C5orf58: variants seen among roughly 807,000 people sequenced by gnomAD.
C5orf58 encodes the protein putative uncharacterized protein C5orf58.
Under a neutral mutation model 2.9 loss-of-function variants are expected in C5orf58, and 2 were observed. The observed-to-expected ratio is 0.69, with a 90% CI of 0.28 to 2.18. The LOEUF is 2.18. C5orf58 is among the 30% of genes most tolerant of loss of function. The pLI is 0.13. For missense variants in C5orf58, 96 were observed against 91.7 expected (o/e 1.05, Z -0.19); for synonymous variants, 37 against 33.4 (o/e 1.11, Z -0.37).
chr5:170,248,561 A>C (rs550715681), downstream of C5orf58: 10 of 863,438 alleles, frequency 1.2e-5, no homozygotes, highest in African/African-American at 1.8e-4. Flanking sequence ...ACTGTTTTTA[A>C]AGGAAAGGAT....
At chr5:170,233,937 T>C (rs1760630688) in intron 1 of C5orf58, 178 bp from the exon 2 acceptor site, 3 of 368,840 alleles carry the variant, frequency 8.1e-6, no homozygotes, top group Non-Finnish European at 1.6e-5. Flanking sequence ...ACTTTTGCCT[T>C]GTTTTTGAAG....
At chr5:170,234,322 C>A in intron 2 of C5orf58, 124 bp downstream of exon 2, 1 of 474,162 alleles carries the variant, frequency 2.1e-6, no homozygotes, top group South Asian at 1.8e-5. Context: ...GACTGAACAG[C>A]TTAAGACTAG....
intron 3 of C5orf58, among the ~76,000 whole-genome samples, chr5:170,239,567 G>A (rs539167492): frequency 1.3e-4 from 20 of 152,072 alleles, no homozygotes; most frequent in African/African-American, 4.8e-4. Context: ...TGGGAGATTG[G>A]AACTGCAGTT....
intron 3 of C5orf58, among the ~76,000 whole-genome samples, chr5:170,239,369 T>G (rs1760879457): frequency 6.6e-6 from 1 of 151,382 alleles, no homozygotes; most frequent in African/African-American, 2.4e-5. Context: ...CTTAATCTTC[T>G]GTGTCAGAGG....
downstream of C5orf58, among the ~76,000 whole-genome samples, chr5:170,249,903 A>C (rs967039384): frequency 1.3e-5 from 2 of 152,232 alleles, no homozygotes; most frequent in African/African-American, 4.8e-5. Context: ...CACTGGACCA[A>C]GATAAATCTT....
chr5:170,246,036 G>A lies in C5orf58; in HGVS notation c.169G>A (p.Ala57Thr). The A allele has an allele frequency of 6.2e-7, 1 of 1,613,690 alleles. No homozygotes were observed. Among genetic ancestry groups the A allele is most frequent in the Non-Finnish European group, 8.5e-7 (1 of 1,179,674 alleles). The change falls in exon 4 of 4, where the codon GCA becomes ACA. Residue 57 changes from alanine (A) to threonine (T), a missense_variant. Coordinates refer to ENST00000593851, the MANE Select transcript of C5orf58 (RefSeq NM_001102609.3). ...CATCAAGACTGAGAACTTAGCAGAAGCAGAAAGAAACAACCCCCTCTTTGA... is the reference window on the plus strand; with the variant it reads ...CATCAAGACTGAGAACTTAGCAGAAACAGAAAGAAACAACCCCCTCTTTGA... ...HPIKTENLAE[A>T]ERNNPLFEES...
chr5:170,248,489 C>T, downstream of C5orf58: 2 of 502,168 alleles, frequency 4.0e-6, no homozygotes, highest in Non-Finnish European at 7.1e-6. Context: ...GACTCATGCA[C>T]TTTACAAACA....
At chr5:170,250,741 G>A, downstream of C5orf58, 2 of 1,612,904 alleles carry the variant, frequency 1.2e-6, no homozygotes, top group Non-Finnish European at 8.5e-7. Context: ...TCTTTCCCTC[G>A]GAGTCCAGTT....
intron 3 of C5orf58, among the ~76,000 whole-genome samples, chr5:170,244,642 G>C (rs376138179): frequency 6.6e-6 from 1 of 151,342 alleles, no homozygotes; most frequent in East Asian, 1.9e-4. Flanking sequence ...GCTCCTTTAA[G>C]CACTTCTCTG....
downstream of C5orf58, among the ~76,000 whole-genome samples, chr5:170,249,390 CTA>C (rs200081642): frequency 0.019 from 2,624 of 141,184 alleles, 69 homozygotes; most frequent in African/African-American, 0.063. Flanking sequence ...ATCTACATAT[CTA>C]TATATATATA....
chr5:170,232,998 G>C lies in C5orf58; in HGVS notation c.-94G>C, dbSNP rs1318570885. 1 of 984,834 alleles carries C rather than the reference G, an allele frequency of 1.0e-6. No homozygotes were observed. The highest frequency in any genetic ancestry group is 1.1e-4 in the East Asian group (1 of 8,796). The allele number at this position is 984,834 out of a possible 1,614,324, so 61.0% of individuals were successfully genotyped here. On this transcript the variant is annotated 5_prime_UTR_variant, in exon 1 of 4. Coordinates refer to ENST00000593851, the MANE Select transcript of C5orf58 (RefSeq NM_001102609.3). ...CTGCTCCTGTCAGAACCTCGGTGAC[G>C]GTTGGCCAGGTGGGTAGTGACGGCT...
chr5:170,235,130 A>G (rs1760690766), intron 3 of C5orf58, 60 bp downstream of exon 3: 1 of 892,874 alleles, frequency 1.1e-6, no homozygotes, highest in South Asian at 1.6e-5. Flanking sequence ...TGATAGAGCC[A>G]GTTTGTGTTT....
intron 3 of C5orf58, among the ~76,000 whole-genome samples, chr5:170,245,376 C>T (rs556736437): frequency 0.015 from 2,344 of 152,348 alleles, 59 homozygotes; most frequent in African/African-American, 0.054. Context: ...CCCAGCCTCG[C>T]TGCTGCCTTG....
At chr5:170,247,320 A>G (rs1761320892), downstream of C5orf58, 1 of 152,234 alleles carries the variant, frequency 6.6e-6, no homozygotes, top group African/African-American at 2.4e-5. Context: ...CATTTTTATC[A>G]TCAGTTAAAA....
intron 2 of C5orf58, chr5:170,251,526 A>G (rs1761442653): frequency 2.7e-6 from 1 of 370,670 alleles, no homozygotes; most frequent in South Asian, 2.0e-5. Flanking sequence ...ATCTAATATT[A>G]AAATAGAATT....
At chr5:170,235,958 T>C (rs1760725054) in intron 3 of C5orf58, among the ~76,000 whole-genome samples, 1 of 152,174 alleles carries the variant, frequency 6.6e-6, no homozygotes, top group African/African-American at 2.4e-5. Context: ...TTCTGCTCTG[T>C]CATGTTCACT....
chr5:170,248,700 TG>T, downstream of C5orf58: 1 of 1,612,016 alleles, frequency 6.2e-7, no homozygotes. Flanking sequence ...TAACTTGCTA[TG>T]GGTACCCTGC....
exon 3 of C5orf58, chr5:170,251,797 A>C (rs1761450334): frequency 5.8e-6 from 2 of 346,066 alleles, no homozygotes; most frequent in African/African-American, 2.1e-5. Context: ...TCTCAAGGTG[A>C]GACCCAGGAA....
intron 3 of C5orf58, among the ~76,000 whole-genome samples, chr5:170,239,345 T>C (rs1382289818): frequency 6.6e-6 from 1 of 150,450 alleles, no homozygotes; most frequent in East Asian, 1.9e-4. Context: ...AGAGGGTGTG[T>C]GAAAGAGCTG....
Sources: gnomAD v4.1 joint callset for allele counts (sites outside exome capture counted in the v4.1 genomes callset) on GRCh38, gnomAD v4.1.1 for gene constraint, MANE v1.5 for transcripts, NCBI Gene and HGNC (gene_info 2026-07-23, HGNC 2026-07-21) for gene names.